ZNF385C: variants seen among roughly 807,000 people sequenced by gnomAD.
ZNF385C encodes zinc finger protein 385C.
ZNF385C carries 28 observed loss-of-function variants against 35.4 expected under a neutral mutation model. The observed-to-expected ratio is 0.79, with a 90% CI of 0.59 to 1.08. The LOEUF is 1.08. ZNF385C is among the 50% of genes least tolerant of loss of function. The pLI is 0.00. For synonymous variants in ZNF385C, 248 were observed against 248.2 expected, an observed-to-expected ratio of 1.00 and a Z score of 0.01; for missense variants, 605 against 595.6, an observed-to-expected ratio of 1.02 and a Z score of -0.16.
At chr17:42,027,771 C>CA (rs1555654461) in intron 7 of ZNF385C, 43 bp from the exon 8 acceptor site, 1 of 1,581,900 alleles carries the variant, frequency 6.3e-7, no homozygotes, top group South Asian at 1.1e-5. Flanking sequence ...TGACAAAGCC[C>CA]AAGGACCCCA....
rs2052968039 is a variant in ZNF385C at position 42,039,904 on chromosome 17, C to A, written c.251-2019G>T. 1.2e-5 allele frequency: 15 copies of A among 1,231,250 alleles called. No individual in the cohort carries two copies. In the East Asian group the frequency reaches 3.8e-4, roughly 31 times the overall value. 76.3% of individuals were successfully genotyped at this position (1,231,250 alleles called of 1,614,324 possible). A position where few individuals can be genotyped will look rare whatever the true frequency, so the allele number is the denominator to read the frequency against. On this transcript the variant is annotated intron_variant, in intron 2 of 8. Transcript: ENST00000692273. ...GCCGACCTTGTCCAGCAGGCCAGCG[C>A]CCGCGGGCAGCGCCAAAGCCAAGGC... is the stretch of plus-strand genomic sequence containing the variant.
chr17:42,087,414 G>C (rs2053820210), intron 1 of ZNF385C, among the ~76,000 whole-genome samples: 1 of 152,182 alleles, frequency 6.6e-6, no homozygotes, highest in South Asian at 2.1e-4. Flanking sequence ...CCAGGCAGCT[G>C]ATTTATGACC....
intron 2 of ZNF385C, among the ~76,000 whole-genome samples, chr17:42,060,559 A>G (rs913817572): frequency 5.9e-5 from 9 of 152,054 alleles, no homozygotes; most frequent in Non-Finnish European, 1.2e-4. Context: ...GATGACCCCT[A>G]AGATGGTGCC....
intron 7 of ZNF385C, 109 bp from the exon 8 acceptor site, chr17:42,027,837 C>A: frequency 7.7e-7 from 1 of 1,305,414 alleles, no homozygotes; most frequent in Non-Finnish European, 1.1e-6. Context: ...ACATCCAAAG[C>A]ACACAGACTG....
Position 42,037,767 on chromosome 17 carries a change from G to T in ZNF385C, c.369C>A (p.Ala123=). 2 of 1,537,108 alleles carry T rather than the reference G, an allele frequency of 1.3e-6. No homozygotes were observed. The highest frequency in any genetic ancestry group is 8.8e-7 in the Non-Finnish European group (1 of 1,141,066). Residue 123 remains alanine (A), a synonymous_variant, in exon 3 of 9, where the codon GCC becomes GCA. Coordinates refer to ENST00000692273, the MANE Select transcript of ZNF385C (RefSeq NM_001392013.1). ...TGAAGTTGGGGAAGAGACTGAGCGGGGCAGCGCCATTGAAGTGGAAGGCGA... is the reference window on the plus strand; with the variant it reads ...TGAAGTTGGGGAAGAGACTGAGCGGTGCAGCGCCATTGAAGTGGAAGGCGA... ...HLLAFHFNGA[A]PLSLFPNFST...
Position 42,062,805 on chromosome 17 carries a change from A to T in ZNF385C, c.250+2T>A. 1 of 599,920 alleles carries T rather than the reference A, an allele frequency of 1.7e-6. No individual in the cohort carries two copies. Among genetic ancestry groups the T allele is most frequent in the Non-Finnish European group, 3.0e-6 (1 of 336,552 alleles). 37.2% of individuals were successfully genotyped at this position (599,920 alleles called of 1,614,324 possible). On this transcript the variant is annotated splice_donor_variant, in intron 2 of 8. Transcript: ENST00000692273. LOFTEE classifies it high-confidence loss of function. ...TGGGAGCAGCGTCCCCTCTACACTG[A>T]CCTGGCCCTGAGGGGCTCTTCCCCA...
At chr17:42,040,289 C>T (rs912868569) in intron 2 of ZNF385C, 1 of 1,231,650 alleles carries the variant, frequency 8.1e-7, no homozygotes, top group Non-Finnish European at 1.0e-6. Flanking sequence ...CGGACCGCAG[C>T]CTCGGAGTAA....
intron 2 of ZNF385C, among the ~76,000 whole-genome samples, chr17:42,057,988 A>G (rs557073200): frequency 3.3e-5 from 5 of 151,996 alleles, no homozygotes; most frequent in African/African-American, 1.2e-4. Context: ...CAGGAGACAG[A>G]TGGGGGGTGG....
chr17:42,066,599 A>G (rs1468403278), intron 1 of ZNF385C, among the ~76,000 whole-genome samples: 1 of 152,190 alleles, frequency 6.6e-6, no homozygotes, highest in South Asian at 2.1e-4. Flanking sequence ...GAGACTCACT[A>G]TGTGATATTG....
At chr17:42,035,591 G>A (rs572945415) in intron 3 of ZNF385C, among the ~76,000 whole-genome samples, 48 of 133,814 alleles carry the variant, frequency 3.6e-4, no homozygotes, top group Admixed American at 7.8e-4. Flanking sequence ...CTGCTCTGTC[G>A]CCCAGGCTGG....
At chr17:42,030,914 G>C (rs1479786895) in intron 5 of ZNF385C, among the ~76,000 whole-genome samples, 1 of 152,138 alleles carries the variant, frequency 6.6e-6, no homozygotes, top group Non-Finnish European at 1.5e-5. Context: ...CAGAAGAGAA[G>C]CATGGGACAC....
chr17:42,085,619 A>G (rs2053798304), intron 1 of ZNF385C, among the ~76,000 whole-genome samples: 1 of 122,984 alleles, frequency 8.1e-6, no homozygotes, highest in African/African-American at 3.2e-5. Context: ...TTTTTTTGAG[A>G]CAGAGTCTCA....
chr17:42,039,742 C>G (rs905493222), intron 2 of ZNF385C: 21 of 1,232,372 alleles, frequency 1.7e-5, no homozygotes, highest in Non-Finnish European at 2.1e-5. Flanking sequence ...CTCTCCCCAC[C>G]CACTCTCTAA....
chr17:42,031,981 A>T (rs1226964762), intron 4 of ZNF385C, among the ~76,000 whole-genome samples, 197 bp from the exon 5 acceptor site: 2 of 152,062 alleles, frequency 1.3e-5, no homozygotes, highest in Non-Finnish European at 2.9e-5. Context: ...TCGCACATGA[A>T]CTCCAAGGCA....
intron 1 of ZNF385C, among the ~76,000 whole-genome samples, chr17:42,073,003 T>G (rs1449132673): frequency 3.9e-5 from 6 of 152,128 alleles, no homozygotes; most frequent in African/African-American, 1.4e-4. Context: ...CAGGCCCCTC[T>G]TTTGCAAGGA....
intron 2 of ZNF385C, among the ~76,000 whole-genome samples, chr17:42,057,583 G>T (rs2053400830): frequency 1.3e-5 from 2 of 151,140 alleles, no homozygotes; most frequent in Non-Finnish European, 2.9e-5. Flanking sequence ...TCTGGGGAAG[G>T]TCCCTGTGCC....
At chr17:42,039,410 G>C (rs2052948853) in intron 2 of ZNF385C, 1 of 314,476 alleles carries the variant, frequency 3.2e-6, no homozygotes, top group Non-Finnish European at 5.8e-6. Context: ...AGTCCAGAAG[G>C]GAAAAGGGTG....
intron 1 of ZNF385C, among the ~76,000 whole-genome samples, chr17:42,063,670 G>C (rs1008339490): frequency 1.3e-5 from 2 of 152,196 alleles, no homozygotes; most frequent in African/African-American, 4.8e-5. Flanking sequence ...TCAGAGAGGC[G>C]GACTGGGGTC....
intron 2 of ZNF385C, among the ~76,000 whole-genome samples, chr17:42,042,225 A>C (rs1039270504): frequency 6.6e-6 from 1 of 152,112 alleles, no homozygotes; most frequent in Non-Finnish European, 1.5e-5. Flanking sequence ...AAAAAACCAA[A>C]AAACAAAAAA....
Sources: allele counts gnomAD v4.1 joint callset (sites outside exome capture counted in the v4.1 genomes callset), GRCh38; gene constraint gnomAD v4.1.1; transcripts MANE v1.5; gene names NCBI Gene and HGNC (gene_info 2026-07-23, HGNC 2026-07-21).